The following SGCD variants were observed in gnomAD, a reference collection of about 807,000 sequenced individuals.
SGCD encodes the protein delta-sarcoglycan.
In SGCD, 18 loss-of-function variants were observed where a neutral mutation model predicts 36.6. The observed-to-expected ratio is 0.49, with a 90% CI of 0.34 to 0.73. SGCD has a LOEUF of 0.73. SGCD is among the 30% of genes least tolerant of loss of function. The pLI, the probability that SGCD is intolerant of heterozygous loss-of-function variation, is 0.01. For synonymous variants in SGCD, 133 were observed against 130.6 expected (o/e 1.02, Z -0.12); for missense variants, 387 against 346.7 (o/e 1.12, Z -0.92).
intron 1 of SGCD, among the ~76,000 whole-genome samples, chr5:156,016,052 A>G (rs11750885): frequency 0.17 from 26,420 of 151,984 alleles, 2,967 homozygotes; most frequent in Admixed American, 0.37. Context: ...GATTCTTTCA[A>G]ATTTCACAAT....
chr5:156,142,980 C>T (rs930711946), intron 3 of SGCD, among the ~76,000 whole-genome samples: 4 of 152,190 alleles, frequency 2.6e-5, no homozygotes, highest in South Asian at 4.1e-4. Context: ...AATGGGGAAA[C>T]GGACTGGAAG....
chr5:156,032,706 CAAAAAAAAAAAAAAAA>C (rs1171072619), intron 1 of SGCD, among the ~76,000 whole-genome samples: 2 of 15,062 alleles, frequency 1.3e-4, no homozygotes, highest in South Asian at 5.7e-3. Flanking sequence ...GACTCCGTCT[CAAAAAAAAAAAAAAAA>C]AAAAAAAAAA....
the SGCD span, among the ~76,000 whole-genome samples, chr5:155,858,603 A>G: frequency 7.7e-4 from 118 of 152,342 alleles, no homozygotes; most frequent in Middle Eastern, 3.4e-3. Context: ...GTCAAAATAC[A>G]TTGTTTAATG....
chr5:156,561,798 A>G (rs1311696278), intron 4 of SGCD, among the ~76,000 whole-genome samples: 1 of 152,168 alleles, frequency 6.6e-6, no homozygotes, highest in Non-Finnish European at 1.5e-5. Flanking sequence ...AAAGAAGGCT[A>G]AATTTAGAAT....
At chr5:156,581,676 G>A (rs1221821799) in intron 4 of SGCD, among the ~76,000 whole-genome samples, 2 of 152,344 alleles carry the variant, frequency 1.3e-5, no homozygotes, top group African/African-American at 4.8e-5. Context: ...GTTGATCTCA[G>A]ACTGCTGCGC....
chr5:156,598,870 C>T (rs1420448195), intron 6 of SGCD, among the ~76,000 whole-genome samples: 2 of 152,178 alleles, frequency 1.3e-5, no homozygotes, highest in African/African-American at 4.8e-5. Flanking sequence ...AGGTTTTGGT[C>T]ACTTCAAAGC....
chr5:156,294,642 T>G (rs116596512), intron 3 of SGCD, among the ~76,000 whole-genome samples: 1 of 152,116 alleles, frequency 6.6e-6, no homozygotes, highest in African/African-American at 2.4e-5. Context: ...TTTATGATAT[T>G]GAGATAGTTT....
chr5:155,992,102 CA>C (rs1335010642), intron 1 of SGCD, among the ~76,000 whole-genome samples: 2 of 152,184 alleles, frequency 1.3e-5, no homozygotes, highest in Non-Finnish European at 2.9e-5. Context: ...CATCTTCCCA[CA>C]AAATATATAC....
intron 1 of SGCD, among the ~76,000 whole-genome samples, chr5:155,910,427 A>G (rs1005896961): frequency 1.4e-4 from 22 of 152,092 alleles, no homozygotes; most frequent in Non-Finnish European, 3.2e-4. Context: ...GAGAAGTTAG[A>G]TGACAGACAA....
At chr5:156,726,802 T>C (rs780146762) in intron 7 of SGCD, among the ~76,000 whole-genome samples, 2 of 152,204 alleles carry the variant, frequency 1.3e-5, no homozygotes, top group African/African-American at 4.8e-5. Context: ...GGAGAGGAAG[T>C]GTAATCAGTG....
At chr5:156,194,264 A>C (rs1332044721) in intron 3 of SGCD, among the ~76,000 whole-genome samples, 1 of 152,144 alleles carries the variant, frequency 6.6e-6, no homozygotes, top group Non-Finnish European at 1.5e-5. Context: ...TTGTAGCCCC[A>C]GGTAAGTGAG....
At chr5:156,231,314 C>G (rs994431993) in intron 3 of SGCD, among the ~76,000 whole-genome samples, 2 of 152,152 alleles carry the variant, frequency 1.3e-5, no homozygotes, top group African/African-American at 2.4e-5. Flanking sequence ...CTGTGTGGAT[C>G]ACTTGAGGCC....
intron 1 of SGCD, among the ~76,000 whole-genome samples, chr5:156,013,300 C>T (rs993851856): frequency 6.6e-6 from 1 of 152,214 alleles, no homozygotes; most frequent in African/African-American, 2.4e-5. Flanking sequence ...GCTGGGATTA[C>T]AGGCATGAGC....
rs35767339 is a variant in SGCD, at chr5:156,334,609, CTTTTTTTTTTTTT to C, written c.3+5038_3+5050del. ...GCCCCTGGTACTGCTGGTCTATTTT[CTTTTTTTTTTTTT>C]TTTTTTTGGCTTTTTTTTAGGAGGT... On this transcript the variant is annotated intron_variant, in intron 2 of 8. Coordinates refer to ENST00000337851, the MANE Select transcript of SGCD (RefSeq NM_000337.6). Among the ~76,000 whole-genome samples the C allele has an allele frequency of 1.1e-4, 12 of 105,092 alleles. 1 individual carries two copies. Among genetic ancestry groups the C allele is most frequent in the African/African-American group, 3.8e-4 (10 of 26,356 alleles). The allele number at this position is 105,092 out of a possible 152,430, so 68.9% of individuals were successfully genotyped here. A position where few individuals can be genotyped will look rare whatever the true frequency, so the allele number is the denominator to read the frequency against.
intron 7 of SGCD, among the ~76,000 whole-genome samples, chr5:156,732,026 G>C (rs115687884): frequency 6.6e-6 from 1 of 152,096 alleles, no homozygotes; most frequent in Non-Finnish European, 1.5e-5. Context: ...TTGCTTCTCA[G>C]CTTAAGAAGC....
chr5:155,883,109 C>A (rs1355118624), intron 1 of SGCD, among the ~76,000 whole-genome samples: 3 of 152,156 alleles, frequency 2.0e-5, no homozygotes, highest in African/African-American at 7.2e-5. Flanking sequence ...TTTGCAGCTC[C>A]CTCACCTCTC....
intron 1 of SGCD, among the ~76,000 whole-genome samples, chr5:155,968,957 A>G (rs2127558967): frequency 6.6e-6 from 1 of 152,290 alleles, no homozygotes; most frequent in South Asian, 2.1e-4. Context: ...GTTTTTATTA[A>G]GTAAACACTA....
intron 7 of SGCD, among the ~76,000 whole-genome samples, chr5:156,689,532 A>T (rs989026384): frequency 6.6e-6 from 1 of 152,202 alleles, no homozygotes; most frequent in African/African-American, 2.4e-5. Context: ...TTTATCATTT[A>T]AAAAATGACG....
In SGCD at chr5:156,344,586, G is replaced by A. The variant is rs757994622; in HGVS notation, c.101G>A (p.Cys34Tyr). The A allele has an allele frequency of 6.2e-7, 1 of 1,612,360 alleles. No homozygotes were observed. The highest frequency in any genetic ancestry group is 8.5e-7 in the Non-Finnish European group (1 of 1,179,064). The stretch of plus-strand genomic sequence containing the variant: ...GGGATTTATGGCTGGCGGAAACGAT[G>A]CCTGTATTTCTTTGTCCTGCTCCTC... The part of the protein sequence containing the change: ...KVGIYGWRKR[C>Y]LYFFVLLLMI... Residue 34 changes from cysteine (C) to tyrosine (Y), a missense_variant, in exon 3 of 9, where the codon TGC (cysteine) becomes TAC (tyrosine). Cys to Tyr is a radical substitution (Grantham distance 194). Transcript: ENST00000337851.
Sources: allele counts gnomAD v4.1 joint callset (sites outside exome capture counted in the v4.1 genomes callset), GRCh38; gene constraint gnomAD v4.1.1; transcripts MANE v1.5; gene names NCBI Gene and HGNC (gene_info 2026-07-23, HGNC 2026-07-21).